MEP1B: variants seen among roughly 807,000 people sequenced by gnomAD.
MEP1B encodes N-benzoyl-L-tyrosyl-P-amino-benzoic acid hydrolase subunit beta.
MEP1B carries 80 observed loss-of-function variants against 84.6 expected under a neutral mutation model. The ratio of observed to expected loss-of-function variants is 0.95; its 90% confidence interval spans 0.79 to 1.14. MEP1B has a LOEUF of 1.14. Ranked by LOEUF, MEP1B falls within the 50% of genes most tolerant of loss-of-function variation. MEP1B has a pLI of 0.00. For missense variants in MEP1B, 766 were observed against 855.1 expected, an observed-to-expected ratio of 0.90 and a Z score of 1.30; for synonymous variants, 273 against 288.1, an observed-to-expected ratio of 0.95 and a Z score of 0.53.
chr18:32,192,539 C>CTTA, intron 2 of MEP1B, 107 bp from the exon 3 acceptor site: 2 of 983,862 alleles, frequency 2.0e-6, no homozygotes, highest in African/African-American at 3.2e-5. Context: ...CTAGTAGTCA[C>CTTA]CTGAGGCCAA....
chr18:32,220,070 G>C (rs761345440), intron 14 of MEP1B, among the ~76,000 whole-genome samples, 161 bp from the exon 15 acceptor site: 1 of 152,194 alleles, frequency 6.6e-6, no homozygotes, highest in Non-Finnish European at 1.5e-5. Context: ...GCCAGGGCTC[G>C]AAATGGAGAC....
intron 13 of MEP1B, 70 bp downstream of exon 13, chr18:32,217,187 T>A (rs2041099298): frequency 6.6e-7 from 1 of 1,525,784 alleles, no homozygotes; most frequent in East Asian, 2.3e-5. Flanking sequence ...GTAGGATTAA[T>A]TACTTAATAG....
chr18:32,215,337 C>T (rs1390832170), intron 12 of MEP1B, 76 bp downstream of exon 12: 1 of 939,000 alleles, frequency 1.1e-6, no homozygotes, highest in Non-Finnish European at 1.6e-6. Flanking sequence ...GTTTTTCTTT[C>T]TGCATTCCAC....
At chr18:32,219,664 T>C (rs1490258677) in intron 14 of MEP1B, among the ~76,000 whole-genome samples, 8 of 151,996 alleles carry the variant, frequency 5.3e-5, no homozygotes, top group Admixed American at 5.2e-4. Flanking sequence ...ATAAACTTGC[T>C]TAGCAAGTAA....
Position 32,210,475 on chromosome 18 carries a change from C to T in MEP1B, c.920-26C>T, listed in dbSNP as rs1009157290. 11 of 1,596,156 alleles carry T rather than the reference C, an allele frequency of 6.9e-6. No individual in the cohort carries two copies. The African/African-American group carries it at 1.3e-4, about 19-fold the overall frequency. On this transcript the variant is annotated intron_variant, in intron 9 of 14. Transcript: ENST00000269202. ...ATTCCTATACCCAGTATCTGTTTTT[C>T]TCTCAATTCTGCTTTTCTTTAACAG...
rs2144424009 is a variant in MEP1B, at chr18:32,213,372, C to T, written c.1392C>T (p.Tyr464=). 1 of 1,613,750 alleles carries T rather than the reference C, an allele frequency of 6.2e-7. No individual in the cohort carries two copies. Among genetic ancestry groups the T allele is most frequent in the Non-Finnish European group, 8.5e-7 (1 of 1,179,714 alleles). ...CTAAAGGTTATGCCTTTCAGATTTACTTAAATCTAGCCCATGTGACTAATG... is the reference window on the plus strand; with the variant it reads ...CTAAAGGTTATGCCTTTCAGATTTATTTAAATCTAGCCCATGTGACTAATG... ...YSSKGYAFQI[Y]LNLAHVTNAG... The change falls in exon 11 of 15, where the codon TAC becomes TAT. Residue 464 remains tyrosine (Y), a synonymous_variant. Transcript: ENST00000269202.
At chr18:32,204,487 C>A in intron 7 of MEP1B, 127 bp downstream of exon 7, 2 of 798,578 alleles carry the variant, frequency 2.5e-6, no homozygotes, top group South Asian at 1.8e-5. Context: ...TTAATTCATT[C>A]AGCTTGAACT....
At chr18:32,191,126 T>C (rs2040797989) in intron 1 of MEP1B, among the ~76,000 whole-genome samples, 3 of 151,934 alleles carry the variant, frequency 2.0e-5, no homozygotes, top group Admixed American at 2.0e-4. Flanking sequence ...CCTTAGTTAG[T>C]AGAACTGGTA....
intron 14 of MEP1B, among the ~76,000 whole-genome samples, chr18:32,218,791 C>A (rs943553954): frequency 6.6e-6 from 1 of 152,060 alleles, no homozygotes; most frequent in African/African-American, 2.4e-5. Flanking sequence ...AAGGGGGCTG[C>A]CCTCAAAGAG....
In MEP1B at chr18:32,196,371, C is replaced by T; in HGVS notation, c.250+886C>T. On this transcript the variant is annotated intron_variant, in intron 5 of 14. Coordinates refer to ENST00000269202, the MANE Select transcript of MEP1B (RefSeq NM_005925.3). This position sits in a 1 kb window ranked among gnomAD's most constrained non-coding sequence, Gnocchi z 4.4. ...GGGCCACGGCCAGCTGGGTCAGGCA[C>T]TTGAGGTACTCAGAGCTCTCCTTGG... 1 of 700,722 alleles carries T rather than the reference C, an allele frequency of 1.4e-6. No individual in the cohort carries two copies. The allele number at this position is 700,722 out of a possible 1,614,324, so 43.4% of individuals were successfully genotyped here.
intron 1 of MEP1B, 95 bp downstream of exon 1, chr18:32,190,228 T>C: frequency 2.2e-6 from 2 of 893,146 alleles, no homozygotes; most frequent in Non-Finnish European, 3.5e-6. Context: ...TTGTTTTTTA[T>C]ACATCTTGAA....
intron 10 of MEP1B, among the ~76,000 whole-genome samples, chr18:32,211,521 A>C (rs565523530): frequency 6.6e-6 from 1 of 152,198 alleles, no homozygotes; most frequent in African/African-American, 2.4e-5. Context: ...CCCAGCTTAC[A>C]TTTGACCAAA....
At chr18:32,200,209 T>C (rs1212972336) in intron 5 of MEP1B, among the ~76,000 whole-genome samples, 1 of 152,158 alleles carries the variant, frequency 6.6e-6, no homozygotes, top group East Asian at 1.9e-4. Flanking sequence ...CATATGTATA[T>C]ATATAAATGA....
chr18:32,193,158 A>G (rs2040819506), intron 4 of MEP1B, among the ~76,000 whole-genome samples: 1 of 152,228 alleles, frequency 6.6e-6, no homozygotes, highest in Non-Finnish European at 1.5e-5. Context: ...AGGCAAAATT[A>G]AACTGAATTT....
chr18:32,205,211 T>A (rs945849219), intron 7 of MEP1B, among the ~76,000 whole-genome samples: 3 of 152,244 alleles, frequency 2.0e-5, no homozygotes, highest in African/African-American at 7.2e-5. Context: ...AGTATTTGGA[T>A]TTATTGTTTC....
In MEP1B at chr18:32,207,417, G is replaced by T; in HGVS notation, c.713G>T (p.Arg238Leu). ...ISDFEDVIGQ[R>L]MDFSDSDLLK... The stretch of plus-strand genomic sequence containing the variant: ...GACTTTGAGGATGTGATCGGCCAAC[G>T]AATGGATTTCAGTGACTCTGATCTC... Residue 238 changes from arginine (R) to leucine (L), a missense_variant, in exon 8 of 15, where the codon CGA becomes CTA. By Grantham distance (102) the Arg-to-Leu change is moderately radical. Transcript: ENST00000269202. 1 of 1,613,182 alleles carries T rather than the reference G, an allele frequency of 6.2e-7. No individual in the cohort carries two copies. Among genetic ancestry groups the T allele is most frequent in the Non-Finnish European group, 8.5e-7 (1 of 1,179,576 alleles).
Position 32,202,934 on chromosome 18 carries a change from T to C in MEP1B, c.292T>C (p.Tyr98His). The C allele has an allele frequency of 1.2e-6, 2 of 1,612,834 alleles. No homozygotes were observed. Among genetic ancestry groups the C allele is most frequent in the Non-Finnish European group, 1.7e-6 (2 of 1,179,320 alleles). ...KGVILNAFER[Y>H]RLKTCIDFKP... is the part of the protein sequence containing the mutation. ...AGTTATCCTCAATGCATTTGAACGT[T>C]ATCGCCTTAAAACATGTATTGACTT... The change falls in exon 6 of 15, where the codon TAT (tyrosine) becomes CAT (histidine). Residue 98 changes from tyrosine (Y) to histidine (H), a missense_variant. Tyr to His is a moderately conservative substitution (Grantham distance 83, BLOSUM62 2). Coordinates refer to ENST00000269202, the MANE Select transcript of MEP1B (RefSeq NM_005925.3).
chr18:32,192,594 T>C (rs2040812763), intron 2 of MEP1B, 52 bp from the exon 3 acceptor site: 1 of 1,539,402 alleles, frequency 6.5e-7, no homozygotes, highest in Non-Finnish European at 9.0e-7. Context: ...AAAGGTTTTC[T>C]CCTTTTATAA....
At chr18:32,194,540 G>A (rs951279096) in intron 4 of MEP1B, among the ~76,000 whole-genome samples, 6 of 150,986 alleles carry the variant, frequency 4.0e-5, no homozygotes, top group African/African-American at 7.3e-5. Flanking sequence ...TCTCATCCAC[G>A]TTCTCTCTTA....
Sources: gnomAD v4.1 joint callset for allele counts (sites outside exome capture counted in the v4.1 genomes callset) on GRCh38, gnomAD v4.1.1 for gene constraint, Gnocchi (gnomAD v3.1) non-coding constraint, MANE v1.5 for transcripts, NCBI Gene and HGNC (gene_info 2026-07-23, HGNC 2026-07-21) for gene names.